The following PAPPA2 variants were observed in gnomAD, a reference collection of about 807,000 sequenced individuals.
PAPPA2 encodes the protein pappalysin-2.
PAPPA2 carries 86 observed loss-of-function variants against 176.4 expected under a neutral mutation model. The ratio of observed to expected loss-of-function variants is 0.49; its 90% CI spans 0.41 to 0.58. The LOEUF (loss-of-function observed/expected upper bound fraction) is 0.58, where lower values mean the gene tolerates loss of function less well. Among genes scored for constraint, PAPPA2 ranks in the 20% least tolerant of loss-of-function variants. The pLI is 0.00. For missense variants in PAPPA2, 2,073 were observed against 2,256.9 expected (o/e 0.92, Z 1.65); for synonymous variants, 809 against 852.2 (o/e 0.95, Z 0.88).
chr1:176,773,038 C>T (rs952561102), intron 17 of PAPPA2, among the ~76,000 whole-genome samples: 4 of 152,022 alleles, frequency 2.6e-5, no homozygotes, highest in African/African-American at 4.8e-5. Context: ...TGGGAAAAAA[C>T]GAGGCCTCCA....
At chr1:176,690,682 C>A in intron 5 of PAPPA2, 1 of 1,274,306 alleles carries the variant, frequency 7.8e-7, no homozygotes, top group Non-Finnish European at 9.9e-7. Context: ...CTTCTATCCT[C>A]GATAGTAAAA....
chr1:176,779,651 C>T (rs917165773), intron 17 of PAPPA2, among the ~76,000 whole-genome samples: 7 of 152,106 alleles, frequency 4.6e-5, no homozygotes, highest in African/African-American at 1.4e-4. Context: ...AATATACTGC[C>T]TCACATAATC....
intron 1 of PAPPA2, among the ~76,000 whole-genome samples, chr1:176,536,445 G>T (rs2102559168): frequency 6.6e-6 from 1 of 152,332 alleles, no homozygotes; most frequent in East Asian, 1.9e-4. Context: ...TTTAGCTCAT[G>T]AGTCTGTGGG....
chr1:176,752,645 C>T (rs1350819641), intron 14 of PAPPA2, among the ~76,000 whole-genome samples: 2 of 152,214 alleles, frequency 1.3e-5, no homozygotes, highest in Middle Eastern at 3.2e-3. Context: ...CTGTTAACCT[C>T]TGTTCTTCAG....
chr1:176,841,176 A>T (rs970141678), intron 22 of PAPPA2, among the ~76,000 whole-genome samples: 1 of 152,120 alleles, frequency 6.6e-6, no homozygotes, highest in African/African-American at 2.4e-5. Flanking sequence ...TAAGAAACAG[A>T]TCAAGAGCTT....
intron 1 of PAPPA2, among the ~76,000 whole-genome samples, chr1:176,529,604 A>G (rs1649693236): frequency 3.3e-5 from 5 of 152,326 alleles, no homozygotes; most frequent in African/African-American, 9.6e-5. Flanking sequence ...GCTGGTGCTC[A>G]GCAAGAGCCC....
Position 176,681,820 on chromosome 1 carries a change from C to A in PAPPA2, c.2138-8317C>A, listed in dbSNP as rs558591701. On this transcript the variant is annotated intron_variant, in intron 4 of 22. Coordinates refer to ENST00000367662, the MANE Select transcript of PAPPA2 (RefSeq NM_020318.3). ...AACTGCTTGTAAGAAGCAGAGGGAGCTTCCTTATAAATTAGAGAAGGAAAG... is the reference window on the plus strand; with the variant it reads ...AACTGCTTGTAAGAAGCAGAGGGAGATTCCTTATAAATTAGAGAAGGAAAG... Among the ~76,000 whole-genome samples, 29 of 152,250 alleles carry A rather than the reference C, an allele frequency of 1.9e-4. No individual in the cohort carries two copies. In the South Asian group the frequency reaches 6.0e-3, roughly 32 times the overall value.
chr1:176,680,317 T>C (rs1659520932), intron 4 of PAPPA2, among the ~76,000 whole-genome samples: 1 of 152,180 alleles, frequency 6.6e-6, no homozygotes, highest in South Asian at 2.1e-4. Context: ...AGTGTTCATT[T>C]TTTTTTGTCT....
At chr1:176,669,081 C>A (rs766017381) in intron 3 of PAPPA2, among the ~76,000 whole-genome samples, 34 of 152,088 alleles carry the variant, frequency 2.2e-4, no homozygotes, top group Non-Finnish European at 4.4e-4. Context: ...CAGTAACACA[C>A]AGATAGCCCA....
intron 21 of PAPPA2, among the ~76,000 whole-genome samples, chr1:176,827,463 C>A (rs746174289): frequency 6.6e-6 from 1 of 152,140 alleles, no homozygotes; most frequent in Non-Finnish European, 1.5e-5. Flanking sequence ...TTATTCTCCC[C>A]ATTTCTCTGC....
chr1:176,650,087 CATAG>C (rs1380842583), intron 3 of PAPPA2, among the ~76,000 whole-genome samples: 1 of 151,520 alleles, frequency 6.6e-6, no homozygotes, highest in African/African-American at 2.4e-5. Context: ...GTGTTTGGTG[CATAG>C]ATATTTATAA....
At chr1:176,784,306 T>C (rs1413961462) in intron 17 of PAPPA2, among the ~76,000 whole-genome samples, 1 of 151,540 alleles carries the variant, frequency 6.6e-6, no homozygotes, top group African/African-American at 2.4e-5. Context: ...GCATAGGCCA[T>C]ACACAAAGGA....
chr1:176,684,551 C>G (rs971855555), intron 4 of PAPPA2, among the ~76,000 whole-genome samples: 2 of 152,248 alleles, frequency 1.3e-5, no homozygotes, highest in East Asian at 3.9e-4. Flanking sequence ...CCCTACCCCC[C>G]CACTCCCCAT....
At chr1:176,767,287 G>C (rs971733172) in intron 15 of PAPPA2, among the ~76,000 whole-genome samples, 2 of 152,192 alleles carry the variant, frequency 1.3e-5, no homozygotes, top group African/African-American at 4.8e-5. Flanking sequence ...AAACAAAATG[G>C]ACAGTACCTA....
At chr1:176,606,031 G>A (rs964596551) in intron 3 of PAPPA2, among the ~76,000 whole-genome samples, 1 of 151,832 alleles carries the variant, frequency 6.6e-6, no homozygotes, top group African/African-American at 2.4e-5. Context: ...TCCAAGTGAA[G>A]TACCTGGTTC....
chr1:176,615,701 A>C (rs1327182728), intron 3 of PAPPA2, among the ~76,000 whole-genome samples: 1 of 152,224 alleles, frequency 6.6e-6, no homozygotes, highest in African/African-American at 2.4e-5. Flanking sequence ...CTTGGTTAAA[A>C]AAATATCAAT....
intron 17 of PAPPA2, among the ~76,000 whole-genome samples, chr1:176,777,249 A>G (rs544179425): frequency 6.6e-6 from 1 of 152,310 alleles, no homozygotes; most frequent in Non-Finnish European, 1.5e-5. Flanking sequence ...GCAGTGATAT[A>G]TTAAAACACA....
At chr1:176,589,644 GT>G (rs1653533608) in intron 2 of PAPPA2, among the ~76,000 whole-genome samples, 2 of 152,170 alleles carry the variant, frequency 1.3e-5, no homozygotes, top group African/African-American at 4.8e-5. Flanking sequence ...GTTCAGTTTA[GT>G]GTTGAATAAT....
At chr1:176,628,845 G>A (rs921338728) in intron 3 of PAPPA2, among the ~76,000 whole-genome samples, 8 of 152,162 alleles carry the variant, frequency 5.3e-5, no homozygotes, top group Non-Finnish European at 8.8e-5. Flanking sequence ...GATAAAGTTC[G>A]ATCTTTCTTT....
Sources: allele counts gnomAD v4.1 joint callset (sites outside exome capture counted in the v4.1 genomes callset), GRCh38; gene constraint gnomAD v4.1.1; transcripts MANE v1.5; gene names NCBI Gene and HGNC (gene_info 2026-07-23, HGNC 2026-07-21).